The following KCNK3 variants were observed in gnomAD, a reference collection of about 807,000 sequenced individuals.
KCNK3 encodes potassium two pore domain channel subfamily K member 3, also known as potassium channel subfamily K member 3.
In KCNK3, 9 loss-of-function variants were observed where a neutral mutation model predicts 27.3. The observed-to-expected ratio is 0.33, with a 90% CI of 0.20 to 0.57. The LOEUF is 0.57. Ranked by LOEUF, KCNK3 falls within the 20% of genes least tolerant of loss-of-function variation. KCNK3 has a pLI of 0.87. For synonymous variants in KCNK3, 278 were observed against 273.8 expected, an observed-to-expected ratio of 1.02 and a Z score of -0.15; for missense variants, 391 against 577.7, an observed-to-expected ratio of 0.68 and a Z score of 3.31.
At chr2:26,723,716 C>A (rs1663362671) in intron 1 of KCNK3, among the ~76,000 whole-genome samples, 1 of 152,188 alleles carries the variant, frequency 6.6e-6, no homozygotes, top group South Asian at 2.1e-4. Context: ...AAAGACTGAA[C>A]CAAATGATGG....
intron 1 of KCNK3, among the ~76,000 whole-genome samples, chr2:26,706,209 C>A (rs1056416615): frequency 5.3e-5 from 8 of 152,166 alleles, no homozygotes; most frequent in African/African-American, 1.9e-4. Context: ...CTTTGCTCAT[C>A]CTCGAGCCAA....
intron 1 of KCNK3, 102 bp from the exon 2 acceptor site, chr2:26,727,565 C>T: frequency 6.8e-7 from 1 of 1,473,582 alleles, no homozygotes. Context: ...CCCAGACCCA[C>T]AAGGTGGGGG....
Position 26,692,861 on chromosome 2 carries a change from G to T in KCNK3, c.-15G>T. The T allele has an allele frequency of 8.1e-7, 1 of 1,233,510 alleles. No individual in the cohort carries two copies. The highest frequency in any genetic ancestry group is 1.0e-6 in the Non-Finnish European group (1 of 987,604). 76.4% of individuals were successfully genotyped at this position (1,233,510 alleles called of 1,614,324 possible). On this transcript the variant is annotated 5_prime_UTR_variant, in exon 1 of 2. Coordinates refer to ENST00000302909, the MANE Select transcript of KCNK3 (RefSeq NM_002246.3). This position sits in a 1 kb window ranked among gnomAD's most constrained non-coding sequence, Gnocchi z 5.6. Reference sequence around the variant, plus strand: ...CCGGGGGCGCCGGGGGGCCGGCGGCGGCCCGGGCGGGACGATGAAGCGGCA... The same window carrying T: ...CCGGGGGCGCCGGGGGGCCGGCGGCTGCCCGGGCGGGACGATGAAGCGGCA...
chr2:26,693,974 C>CAG lies in KCNK3; in HGVS notation c.283+817_283+818insGA, dbSNP rs1318775858. 2.5e-3 allele frequency among the ~76,000 whole-genome samples: 379 copies of CAG among 151,902 alleles called. 2 individuals are homozygous for CAG. The highest frequency in any genetic ancestry group is 2.4e-3 in the Non-Finnish European group (161 of 67,952). ...CACAGGGCGGGCACACACACACACA[C>CAG]ACACAGAGAGAGAGACAGAGAGAGA... On this transcript the variant is annotated intron_variant, in intron 1 of 1. Transcript: ENST00000302909. The surrounding 1 kb of genome is among the most constrained non-coding windows in gnomAD (Gnocchi z 5.5).
chr2:26,720,644 G>C (rs1369655934), intron 1 of KCNK3, among the ~76,000 whole-genome samples: 2 of 152,178 alleles, frequency 1.3e-5, no homozygotes, highest in Non-Finnish European at 2.9e-5. Context: ...CAAGGCAAGA[G>C]AGGAGACAGC....
rs1043208748 is a variant in KCNK3, at chr2:26,729,168, G to A, written c.*600G>A. The stretch of plus-strand genomic sequence containing the variant: ...TCCCCAGAAAGCAGGACAGAAAGAA[G>A]GAGGGACAGGCAGGCAGCAGGAGGG... On this transcript the variant is annotated 3_prime_UTR_variant, in exon 2 of 2. Coordinates refer to ENST00000302909, the MANE Select transcript of KCNK3 (RefSeq NM_002246.3). The A allele has an allele frequency of 6.5e-6, 1 of 152,938 alleles. No homozygotes were observed. Among genetic ancestry groups the A allele is most frequent in the East Asian group, 1.9e-4 (1 of 5,190 alleles). 9.5% of individuals were successfully genotyped at this position (152,938 alleles called of 1,614,324 possible). A position where few individuals can be genotyped will look rare whatever the true frequency, so the allele number is the denominator to read the frequency against.
rs547164113 is a variant in KCNK3, at chr2:26,728,930, C to T, written c.*362C>T. The stretch of plus-strand genomic sequence containing the variant: ...CACCTTCGGAGGGGACTTCATGTTC[C>T]GTGTACGTTTGCATCTCTATTTATA... On this transcript the variant is annotated 3_prime_UTR_variant, in exon 2 of 2. Coordinates refer to ENST00000302909, the MANE Select transcript of KCNK3 (RefSeq NM_002246.3). The T allele has an allele frequency of 5.0e-5, 11 of 221,454 alleles. 1 individual carries two copies. The East Asian group carries it at 7.3e-4, about 15-fold the overall frequency. The allele number at this position is 221,454 out of a possible 1,614,324, so 13.7% of individuals were successfully genotyped here. A position where few individuals can be genotyped will look rare whatever the true frequency, so the allele number is the denominator to read the frequency against.
Position 26,693,171 on chromosome 2 carries a change from C to CGGGCGGG in KCNK3, c.283+21_283+27dup, listed in dbSNP as rs777966312. On this transcript the variant is annotated intron_variant, in intron 1 of 1. Coordinates refer to ENST00000302909, the MANE Select transcript of KCNK3 (RefSeq NM_002246.3). This position sits in a 1 kb window ranked among gnomAD's most constrained non-coding sequence, Gnocchi z 5.5. ...ATCACCACCATCGGTAACGGCTCGC[C>CGGGCGGG]GGGCGGGGGGCGGGAACCCAGGGCT... 3 of 1,370,712 alleles carry CGGGCGGG rather than the reference C, an allele frequency of 2.2e-6. No homozygotes were observed. Among genetic ancestry groups the CGGGCGGG allele is most frequent in the Non-Finnish European group, 2.9e-6 (3 of 1,047,406 alleles). The allele number at this position is 1,370,712 out of a possible 1,614,324, so 84.9% of individuals were successfully genotyped here.
In KCNK3 at chr2:26,727,820, G is replaced by A; in HGVS notation, c.437G>A (p.Gly146Glu). ...TACCTGCTGCACCGCGCCAAGAAGG[G>A]GCTGGGCATGCGGCGCGCCGACGTG... ...VRYLLHRAKK[G>E]LGMRRADVSM... Residue 146 changes from glycine to glutamate, a missense_variant, in exon 2 of 2, where the codon GGG becomes GAG. Coordinates refer to ENST00000302909, the MANE Select transcript of KCNK3 (RefSeq NM_002246.3). The A allele has an allele frequency of 1.2e-6, 2 of 1,611,822 alleles. No individual in the cohort carries two copies. Among genetic ancestry groups the A allele is most frequent in the Non-Finnish European group, 1.7e-6 (2 of 1,178,198 alleles).
rs1161356757 is a variant in KCNK3, at chr2:26,728,810, G to A, written c.*242G>A. 2 of 397,750 alleles carry A rather than the reference G, an allele frequency of 5.0e-6. No individual in the cohort carries two copies. 24.6% of individuals were successfully genotyped at this position (397,750 alleles called of 1,614,324 possible). A position where few individuals can be genotyped will look rare whatever the true frequency, so the allele number is the denominator to read the frequency against. On this transcript the variant is annotated 3_prime_UTR_variant, in exon 2 of 2. Transcript: ENST00000302909. ...TTCCGAGAAATGTGAAACTTGGTGG[G>A]GTCAGGGAGGAAAGGCAGAAGCTGG...
At chr2:26,707,014 C>A (rs1249133647) in intron 1 of KCNK3, among the ~76,000 whole-genome samples, 1 of 152,136 alleles carries the variant, frequency 6.6e-6, no homozygotes, top group Non-Finnish European at 1.5e-5. Context: ...AAGCATGCTA[C>A]CCAGGATTAC....
chr2:26,701,248 G>A lies in KCNK3; in HGVS notation c.283+8090G>A, dbSNP rs115601232. On this transcript the variant is annotated intron_variant, in intron 1 of 1. Coordinates refer to ENST00000302909, the MANE Select transcript of KCNK3 (RefSeq NM_002246.3). ...AATCTGGTGGTAAAATGTCAGAGCT[G>A]AGGGCCCAGGAGCTGTGGCCGCTTC... 9.9e-3 allele frequency among the ~76,000 whole-genome samples: 1,514 copies of A among 152,338 alleles called. 9 individuals carry two copies. Among genetic ancestry groups the A allele is most frequent in the Middle Eastern group, 0.054 (16 of 294 alleles).
rs114765240 is a variant in KCNK3, at chr2:26,706,724, G to T, written c.283+13566G>T. Reference sequence around the variant, plus strand: ...ACTCATCTGCCTGGGCTCCAAAGAGGCCCTGCTGTCCCCTGCCTGCTTCCA... The same window carrying T: ...ACTCATCTGCCTGGGCTCCAAAGAGTCCCTGCTGTCCCCTGCCTGCTTCCA... On this transcript the variant is annotated intron_variant, in intron 1 of 1. Transcript: ENST00000302909. Among the ~76,000 whole-genome samples the T allele has an allele frequency of 7.1e-3, 1,082 of 152,272 alleles. 9 individuals carry two copies. Among genetic ancestry groups the T allele is most frequent in the Middle Eastern group, 0.017 (5 of 294 alleles).
Position 26,721,160 on chromosome 2 carries a change from C to T in KCNK3, c.284-6507C>T, listed in dbSNP as rs1558602383. On this transcript the variant is annotated intron_variant, in intron 1 of 1. Transcript: ENST00000302909. This position sits in a 1 kb window ranked among gnomAD's most constrained non-coding sequence, Gnocchi z 4.3. ...GCCTCTGGGTTCTGCAGCCCTCCCA[C>T]CCCAGGCCTGTGCTGGACACTGAGG... Among the ~76,000 whole-genome samples, 1 of 152,112 alleles carries T rather than the reference C, an allele frequency of 6.6e-6. No homozygotes were observed. Among genetic ancestry groups the T allele is most frequent in the African/African-American group, 2.4e-5 (1 of 41,418 alleles).
At chr2:26,698,822 G>C (rs1057392263) in intron 1 of KCNK3, among the ~76,000 whole-genome samples, 6 of 152,238 alleles carry the variant, frequency 3.9e-5, no homozygotes, top group Admixed American at 3.3e-4. Flanking sequence ...GGGGCTGGGC[G>C]TGGTGGCTCA....
At chr2:26,696,572 G>A (rs952061170) in intron 1 of KCNK3, among the ~76,000 whole-genome samples, 1 of 152,212 alleles carries the variant, frequency 6.6e-6, no homozygotes, top group East Asian at 1.9e-4. Flanking sequence ...CCACTGGCTG[G>A]AAGGATTCCT....
In KCNK3 at chr2:26,728,597, G is replaced by T; in HGVS notation, c.*29G>T. 2 of 1,410,662 alleles carry T rather than the reference G, an allele frequency of 1.4e-6. No individual in the cohort carries two copies. The highest frequency in any genetic ancestry group is 1.8e-6 in the Non-Finnish European group (2 of 1,083,060). 87.4% of individuals were successfully genotyped at this position (1,410,662 alleles called of 1,614,324 possible). ...CCCCGAGGGGCCTGGAGCACCTGGG[G>T]GCGCGGGCGGGGGACCCCTGCTGGG... On this transcript the variant is annotated 3_prime_UTR_variant, in exon 2 of 2. Coordinates refer to ENST00000302909, the MANE Select transcript of KCNK3 (RefSeq NM_002246.3).
At position 26,693,097 on chromosome 2, in the gene KCNK3, C is replaced by T; in HGVS notation, c.222C>T (p.Ala74=). ...TGCTGCGCCTCAAGCCGCACAAGGC[C>T]GGCGTGCAGTGGCGCTTCGCCGGCT... ...RVVLRLKPHK[A]GVQWRFAGSF... The change falls in exon 1 of 2, where the codon GCC becomes GCT. Residue 74 remains alanine (A), a synonymous_variant. Transcript: ENST00000302909. This position sits in a 1 kb window ranked among gnomAD's most constrained non-coding sequence, Gnocchi z 5.5. 5 of 1,601,312 alleles carry T rather than the reference C, an allele frequency of 3.1e-6. No homozygotes were observed. Among genetic ancestry groups the T allele is most frequent in the Middle Eastern group, 1.7e-4 (1 of 6,008 alleles).
chr2:26,717,753 C>A (rs1157954524), intron 1 of KCNK3, among the ~76,000 whole-genome samples: 2 of 152,100 alleles, frequency 1.3e-5, no homozygotes, highest in African/African-American at 4.8e-5. Context: ...GCCCAGGACC[C>A]CCAGGATAAC....
Sources: allele counts gnomAD v4.1 joint callset (sites outside exome capture counted in the v4.1 genomes callset), GRCh38; gene constraint gnomAD v4.1.1; non-coding constraint Gnocchi (gnomAD v3.1); transcripts MANE v1.5; gene names NCBI Gene and HGNC (gene_info 2026-07-23, HGNC 2026-07-21).